BACH2: variants seen among roughly 807,000 people sequenced by gnomAD.
BACH2 encodes transcription regulator protein BACH2.
In BACH2, 5 loss-of-function variants were observed where a neutral mutation model predicts 61.8. The observed-to-expected ratio is 0.08, with a 90% CI of 0.04 to 0.17. BACH2 has a LOEUF of 0.17. Ranked by LOEUF, BACH2 falls within the 10% of genes least tolerant of loss-of-function variation. The pLI is 1.00. For missense variants in BACH2, 824 were observed against 1,091.1 expected (o/e 0.76, Z 3.45); for synonymous variants, 446 against 440.1 (o/e 1.01, Z -0.17).
intron 6 of BACH2, chr6:90,001,272 T>G (rs774688522): frequency 3.3e-5 from 5 of 152,226 alleles, no homozygotes; most frequent in Non-Finnish European, 5.9e-5. Flanking sequence ...CACCACATCT[T>G]GAGAGATTGT....
intron 4 of BACH2, among the ~76,000 whole-genome samples, chr6:90,165,668 C>T (rs1395037215): frequency 6.6e-6 from 1 of 152,134 alleles, no homozygotes; most frequent in African/African-American, 2.4e-5. Context: ...TACTACAAGG[C>T]TACAGTAACC....
intron 3 of BACH2, among the ~76,000 whole-genome samples, chr6:90,226,769 T>A (rs939868739): frequency 6.6e-6 from 1 of 152,120 alleles, no homozygotes; most frequent in Non-Finnish European, 1.5e-5. Flanking sequence ...TCACAGCTCA[T>A]TGCAGCCTCA....
intron 4 of BACH2, among the ~76,000 whole-genome samples, chr6:90,160,658 G>A (rs1785159145): frequency 6.6e-6 from 1 of 152,168 alleles, no homozygotes; most frequent in South Asian, 2.1e-4. Context: ...AGAAATTTCT[G>A]TAAAGCATTC....
rs570997849 is a variant in BACH2, at chr6:90,276,850, AT to A, written c.-445-4910del. On this transcript the variant is annotated intron_variant, in intron 1 of 8. Coordinates refer to ENST00000257749, the MANE Select transcript of BACH2 (RefSeq NM_021813.4). ...CTAAAAGTTCTCTTGAAGAAAAAAA[AT>A]ATAACTGTAAGAGAAACCTGAGTGA... is the stretch of plus-strand genomic sequence containing the variant. 4.2e-3 allele frequency among the ~76,000 whole-genome samples: 637 copies of A among 152,304 alleles called. 4 individuals carry two copies. Among genetic ancestry groups the A allele is most frequent in the Non-Finnish European group, 5.6e-3 (381 of 68,016 alleles).
At chr6:89,982,443 G>A (rs1776009100) in intron 6 of BACH2, among the ~76,000 whole-genome samples, 1 of 152,152 alleles carries the variant, frequency 6.6e-6, no homozygotes, top group Non-Finnish European at 1.5e-5. Context: ...AAAGGCTGTG[G>A]CATCAGCTTT....
chr6:90,241,592 T>C (rs905588953), intron 3 of BACH2, among the ~76,000 whole-genome samples: 2 of 152,224 alleles, frequency 1.3e-5, no homozygotes, highest in African/African-American at 4.8e-5. Flanking sequence ...ATTTTCACCC[T>C]GTCTGTTGTC....
chr6:90,025,408 C>T (rs1211544654), intron 5 of BACH2, among the ~76,000 whole-genome samples: 1 of 152,196 alleles, frequency 6.6e-6, no homozygotes, highest in African/African-American at 2.4e-5. Flanking sequence ...ATTGTCACTT[C>T]CAGTTTGTCT....
chr6:89,933,566 C>T lies in BACH2; in HGVS notation c.2044-676G>A, dbSNP rs1584495177. Among the ~76,000 whole-genome samples, 3 of 151,834 alleles carry T rather than the reference C, an allele frequency of 2.0e-5. No individual in the cohort carries two copies. The East Asian group carries it at 5.8e-4, about 30-fold the overall frequency. On this transcript the variant is annotated intron_variant, in intron 8 of 8. Coordinates refer to ENST00000257749, the MANE Select transcript of BACH2 (RefSeq NM_021813.4). The stretch of plus-strand genomic sequence containing the variant: ...TGATGTGTCAGTGTAGGTTCATTGA[C>T]TAACACATGTACCACTTTGTGGGGG...
At chr6:90,099,211 G>A (rs533214986) in intron 4 of BACH2, among the ~76,000 whole-genome samples, 6 of 152,212 alleles carry the variant, frequency 3.9e-5, no homozygotes, top group African/African-American at 4.8e-5. Context: ...TGTTCAGTTC[G>A]GGACAGGGTT....
chr6:89,958,546 T>C (rs1301721559), intron 6 of BACH2, among the ~76,000 whole-genome samples: 1 of 152,340 alleles, frequency 6.6e-6, no homozygotes, highest in African/African-American at 2.4e-5. Flanking sequence ...ATTATTGCTG[T>C]TGCTACAAAT....
Position 90,001,857 on chromosome 6 carries a change from A to G in BACH2, c.243+6745T>C, listed in dbSNP as rs578133225. Among the ~76,000 whole-genome samples the G allele has an allele frequency of 5.8e-4, 88 of 152,320 alleles. 2 individuals carry two copies. Among genetic ancestry groups the G allele is most frequent in the African/African-American group, 2.0e-3 (85 of 41,578 alleles). On this transcript the variant is annotated intron_variant, in intron 6 of 8. Coordinates refer to ENST00000257749, the MANE Select transcript of BACH2 (RefSeq NM_021813.4). The stretch of plus-strand genomic sequence containing the variant: ...TGGTAATCTTCACCACAGAGTACAA[A>G]CATGTTGGGATTTCTTCCTACTTAA...
At chr6:90,191,908 T>C (rs904167009) in intron 4 of BACH2, among the ~76,000 whole-genome samples, 2 of 152,210 alleles carry the variant, frequency 1.3e-5, no homozygotes, top group African/African-American at 4.8e-5. Flanking sequence ...ATTCTTAAAA[T>C]GACTCGAATA....
chr6:90,186,981 A>T (rs1366182232), intron 4 of BACH2, among the ~76,000 whole-genome samples: 4 of 152,238 alleles, frequency 2.6e-5, no homozygotes, highest in Admixed American at 2.6e-4. Flanking sequence ...AAAAGCAATG[A>T]ATAATCGCAA....
At chr6:90,138,364 G>A (rs1168056357) in intron 4 of BACH2, among the ~76,000 whole-genome samples, 7 of 152,154 alleles carry the variant, frequency 4.6e-5, no homozygotes, top group African/African-American at 1.2e-4. Context: ...TTAGCCATGC[G>A]TGGTGGCGTG....
rs80086319 is a variant in BACH2 at position 90,022,575 on chromosome 6, C to T, written c.-12-13719G>A. Reference sequence around the variant, plus strand: ...CTCCAGCCTGGGCGACAGAGCAAGACTCCGTTTCAAAAATGAATGAACGAA... The same window carrying T: ...CTCCAGCCTGGGCGACAGAGCAAGATTCCGTTTCAAAAATGAATGAACGAA... On this transcript the variant is annotated intron_variant, in intron 5 of 8. Coordinates refer to ENST00000257749, the MANE Select transcript of BACH2 (RefSeq NM_021813.4). 0.025 allele frequency among the ~76,000 whole-genome samples: 3,834 copies of T among 152,276 alleles called. 318 individuals are homozygous for T. In the East Asian group the frequency reaches 0.26, roughly 10 times the overall value.
chr6:90,173,463 T>C lies in BACH2; in HGVS notation c.-162+33106A>G, dbSNP rs369890934. Among the ~76,000 whole-genome samples, 5 of 152,192 alleles carry C rather than the reference T, an allele frequency of 3.3e-5. No individual in the cohort carries two copies. In the East Asian group the frequency reaches 5.8e-4, roughly 18 times the overall value. The stretch of plus-strand genomic sequence containing the variant: ...AAACAAACGAAAAACCTGTGGTATA[T>C]CCATACAGTGAAATTATACTGAAAA... On this transcript the variant is annotated intron_variant, in intron 4 of 8. Transcript: ENST00000257749.
At chr6:89,962,341 T>TA (rs908438618) in intron 6 of BACH2, among the ~76,000 whole-genome samples, 1 of 152,160 alleles carries the variant, frequency 6.6e-6, no homozygotes, top group Non-Finnish European at 1.5e-5. Flanking sequence ...ATGCACAATA[T>TA]AAAATTAACT....
At chr6:90,235,176 C>A (rs1770218686) in intron 3 of BACH2, among the ~76,000 whole-genome samples, 1 of 152,188 alleles carries the variant, frequency 6.6e-6, no homozygotes, top group Admixed American at 6.5e-5. Context: ...TAAACGAAGT[C>A]ACACAAAGCA....
At chr6:89,974,132 T>C (rs1161280747) in intron 6 of BACH2, among the ~76,000 whole-genome samples, 2 of 152,174 alleles carry the variant, frequency 1.3e-5, no homozygotes, top group African/African-American at 4.8e-5. Context: ...CACAGACATT[T>C]GCATCTTTAG....
Sources: allele counts gnomAD v4.1 joint callset (sites outside exome capture counted in the v4.1 genomes callset), GRCh38; gene constraint gnomAD v4.1.1; transcripts MANE v1.5; gene names NCBI Gene and HGNC (gene_info 2026-07-23, HGNC 2026-07-21).